CDH4: variants seen among roughly 807,000 people sequenced by gnomAD.
The protein encoded by CDH4 is cadherin 4, also known as cadherin-4.
Under a neutral mutation model 86.0 loss-of-function variants are expected in CDH4, and 33 were observed. The observed-to-expected ratio is 0.38, with a 90% confidence interval of 0.29 to 0.51. The LOEUF is 0.51. Ranked by LOEUF, CDH4 falls within the 20% of genes least tolerant of loss-of-function variation. The probability of loss-of-function intolerance (pLI) is 0.86; values close to 1 mark genes in which losing one functional copy is unlikely to be tolerated. For synonymous variants in CDH4, 555 were observed against 549.4 expected (o/e 1.01, Z -0.14); for missense variants, 1,114 against 1,307.4 (o/e 0.85, Z 2.28).
intron 2 of CDH4, among the ~76,000 whole-genome samples, chr20:61,482,562 G>A (rs536919395): frequency 6.6e-6 from 1 of 152,284 alleles, no homozygotes; most frequent in East Asian, 1.9e-4. Flanking sequence ...GTTCATGGTA[G>A]GTTTCCTGGC....
chr20:61,463,779 C>A (rs2427117), intron 2 of CDH4, among the ~76,000 whole-genome samples: 52,387 of 152,052 alleles, frequency 0.34, 10,998 homozygotes, highest in Admixed American at 0.49. Context: ...TCCACTGAAA[C>A]AAAAGGCGGG....
intron 4 of CDH4, among the ~76,000 whole-genome samples, chr20:61,789,430 G>A (rs1400604339): frequency 6.6e-6 from 1 of 152,216 alleles, no homozygotes; most frequent in Non-Finnish European, 1.5e-5. Context: ...CAGAAAAGGG[G>A]AGGGGGGCGG....
At chr20:61,545,807 A>G (rs1457310504) in intron 2 of CDH4, among the ~76,000 whole-genome samples, 1 of 148,452 alleles carries the variant, frequency 6.7e-6, no homozygotes, top group Non-Finnish European at 1.5e-5. Context: ...TATGTGGGAT[A>G]CGGTGCGTGT....
intron 3 of CDH4, among the ~76,000 whole-genome samples, chr20:61,766,514 G>A (rs2088700062): frequency 6.6e-6 from 1 of 152,170 alleles, no homozygotes; most frequent in Non-Finnish European, 1.5e-5. Flanking sequence ...CCCCATGTCT[G>A]TCAATGCTCC....
chr20:61,606,559 A>G (rs1014682960), intron 2 of CDH4, among the ~76,000 whole-genome samples: 1 of 152,204 alleles, frequency 6.6e-6, no homozygotes, highest in African/African-American at 2.4e-5. Context: ...GTTCCTCTGC[A>G]TATCTGAATG....
At chr20:61,782,717 A>G (rs889957592) in intron 4 of CDH4, among the ~76,000 whole-genome samples, 5 of 152,350 alleles carry the variant, frequency 3.3e-5, no homozygotes, top group South Asian at 2.1e-4. Context: ...AAGTGGTCCA[A>G]TATTAACTCT....
intron 4 of CDH4, among the ~76,000 whole-genome samples, chr20:61,828,620 T>C (rs1229684480): frequency 6.6e-6 from 1 of 152,178 alleles, no homozygotes; most frequent in Non-Finnish European, 1.5e-5. Context: ...AATGGACTGC[T>C]TCCCAAGGCT....
chr20:61,638,786 T>G (rs969585921), intron 2 of CDH4, among the ~76,000 whole-genome samples: 1 of 152,174 alleles, frequency 6.6e-6, no homozygotes, highest in Non-Finnish European at 1.5e-5. Context: ...GGGAGATGGA[T>G]GGATGACGGA....
In CDH4 at chr20:61,508,040, C is replaced by T. The variant is rs1329473585; in HGVS notation, c.170-235523C>T. 3.3e-5 allele frequency among the ~76,000 whole-genome samples: 5 copies of T among 152,230 alleles called. 1 individual carries two copies. The highest frequency in any genetic ancestry group is 7.3e-5 in the Non-Finnish European group (5 of 68,042). On this transcript the variant is annotated intron_variant, in intron 2 of 15. Coordinates refer to ENST00000614565, the MANE Select transcript of CDH4 (RefSeq NM_001794.5). ...TGCTGTCTCTGTGCGCACTGTCGTG[C>T]AGAGTGAGACCATGCTGGGCATTCA...
At position 61,294,838 on chromosome 20, in the gene CDH4, G is replaced by A. The variant is rs145848437; in HGVS notation, c.169+39901G>A. Among the ~76,000 whole-genome samples the A allele has an allele frequency of 3.9e-5, 6 of 152,374 alleles. No individual in the cohort carries two copies. The East Asian group carries it at 7.7e-4, about 20-fold the overall frequency. On this transcript the variant is annotated intron_variant, in intron 2 of 15. Transcript: ENST00000614565. Reference sequence around the variant, plus strand: ...CCAAAGCTCCCGATCTGGTCACGGCGCTCGGTGTGAGTTCACAGGGCAGTG... The same window carrying A: ...CCAAAGCTCCCGATCTGGTCACGGCACTCGGTGTGAGTTCACAGGGCAGTG...
chr20:61,498,547 A>C (rs1345868761), intron 2 of CDH4, among the ~76,000 whole-genome samples: 7 of 152,180 alleles, frequency 4.6e-5, no homozygotes, highest in African/African-American at 1.4e-4. Flanking sequence ...AACCTCCAGG[A>C]TCACATAGTG....
chr20:61,829,595 G>A lies in CDH4; in HGVS notation c.577-15073G>A, dbSNP rs776496614. The stretch of plus-strand genomic sequence containing the variant: ...AGCCTGTTTTCCACGGCGGCTCTGC[G>A]GGCCTCCTGTTGAGGAAGCCCTGGC... On this transcript the variant is annotated intron_variant, in intron 4 of 15. Coordinates refer to ENST00000614565, the MANE Select transcript of CDH4 (RefSeq NM_001794.5). This position sits in a 1 kb window ranked among gnomAD's most constrained non-coding sequence, Gnocchi z 4.2. 3.9e-5 allele frequency among the ~76,000 whole-genome samples: 6 copies of A among 152,308 alleles called. No homozygotes were observed. The highest frequency in any genetic ancestry group is 6.5e-5 in the Admixed American group (1 of 15,310).
chr20:61,649,260 A>G (rs1568732817), intron 2 of CDH4, among the ~76,000 whole-genome samples: 1 of 152,180 alleles, frequency 6.6e-6, no homozygotes, highest in African/African-American at 2.4e-5. Context: ...CACCTTTTGC[A>G]TCACAGACCC....
At chr20:61,861,251 C>T (rs929003414) in intron 6 of CDH4, among the ~76,000 whole-genome samples, 1 of 152,210 alleles carries the variant, frequency 6.6e-6, no homozygotes, top group African/African-American at 2.4e-5. Context: ...GCTGAAGATG[C>T]GATCATGCGG....
At chr20:61,452,279 A>G (rs1464932817) in intron 2 of CDH4, among the ~76,000 whole-genome samples, 1 of 152,174 alleles carries the variant, frequency 6.6e-6, no homozygotes, top group Non-Finnish European at 1.5e-5. Flanking sequence ...ATATGAGATG[A>G]TGCCTGATGC....
intron 3 of CDH4, among the ~76,000 whole-genome samples, chr20:61,763,936 CAGAAAA>C (rs1373593977): frequency 6.6e-6 from 1 of 152,102 alleles, no homozygotes; most frequent in Non-Finnish European, 1.5e-5. Context: ...TTCAAAAAAA[CAGAAAA>C]AGACGATCAT....
At chr20:61,788,812 G>A (rs1250972465) in intron 4 of CDH4, among the ~76,000 whole-genome samples, 2 of 152,198 alleles carry the variant, frequency 1.3e-5, no homozygotes, top group South Asian at 2.1e-4. Flanking sequence ...CATGGGAGAC[G>A]AGGCCCAAAA....
At chr20:61,796,351 C>G (rs1158538368) in intron 4 of CDH4, among the ~76,000 whole-genome samples, 1 of 152,150 alleles carries the variant, frequency 6.6e-6, no homozygotes, top group Non-Finnish European at 1.5e-5. Context: ...ACCCCACACT[C>G]TATTTACAGC....
intron 4 of CDH4, among the ~76,000 whole-genome samples, chr20:61,835,765 C>T (rs1981843209): frequency 6.6e-6 from 1 of 152,216 alleles, no homozygotes; most frequent in Non-Finnish European, 1.5e-5. Context: ...CAACCTAAGA[C>T]ACAGGGATCC....
Sources: gnomAD v4.1 joint callset for allele counts (sites outside exome capture counted in the v4.1 genomes callset) on GRCh38, gnomAD v4.1.1 for gene constraint, Gnocchi (gnomAD v3.1) non-coding constraint, MANE v1.5 for transcripts, NCBI Gene and HGNC (gene_info 2026-07-23, HGNC 2026-07-21) for gene names.